The following OXR1 variants were observed in gnomAD, a reference collection of about 807,000 sequenced individuals.
OXR1 encodes oxidation resistance 1.
In OXR1, 41 loss-of-function variants were observed where a neutral mutation model predicts 104.6. The ratio of observed to expected loss-of-function variants is 0.39; its 90% CI spans 0.31 to 0.51. The LOEUF (loss-of-function observed/expected upper bound fraction) is 0.51. Ranked by LOEUF, OXR1 falls within the 20% of genes least tolerant of loss-of-function variation. The pLI is 0.77. For synonymous variants in OXR1, 348 were observed against 348.4 expected, an observed-to-expected ratio of 1.00 and a Z score of 0.01; for missense variants, 955 against 1,031.9, an observed-to-expected ratio of 0.93 and a Z score of 1.02.
intron 3 of OXR1, among the ~76,000 whole-genome samples, chr8:106,641,673 C>T (rs1053028214): frequency 4.6e-5 from 7 of 151,938 alleles, no homozygotes; most frequent in Admixed American, 6.6e-5. Context: ...CAAAATGGGG[C>T]GATACCAGTG....
chr8:106,673,476 GA>G (rs1385566038), intron 3 of OXR1, among the ~76,000 whole-genome samples: 8 of 152,192 alleles, frequency 5.3e-5, no homozygotes, highest in African/African-American at 1.9e-4. Flanking sequence ...GTTTAAATGG[GA>G]AGCAGAGCTA....
chr8:106,524,653 G>C (rs1004086963), intron 3 of OXR1, among the ~76,000 whole-genome samples: 3 of 152,176 alleles, frequency 2.0e-5, no homozygotes, highest in African/African-American at 7.2e-5. Context: ...AACAGAGAGA[G>C]CCCTGCTTTC....
At chr8:106,739,627 A>G (rs1252578834) in intron 13 of OXR1, 44 bp downstream of exon 13, 1 of 1,593,724 alleles carries the variant, frequency 6.3e-7, no homozygotes, top group Non-Finnish European at 8.6e-7. Context: ...GTGAGTGTGT[A>G]CCCATGAGAG....
intron 2 of OXR1, among the ~76,000 whole-genome samples, chr8:106,397,581 G>A (rs1244494222): frequency 1.3e-5 from 2 of 151,648 alleles, no homozygotes; most frequent in African/African-American, 2.4e-5. Flanking sequence ...GAATTTTGAT[G>A]AAATAAATAA....
intron 7 of OXR1, chr8:106,697,555 T>C (rs1830167442): frequency 1.2e-6 from 2 of 1,611,622 alleles, no homozygotes; most frequent in Non-Finnish European, 1.7e-6. Flanking sequence ...CTTGGATTTC[T>C]TAGGGAACCA....
At chr8:106,367,338 C>T (rs890351331) in intron 2 of OXR1, among the ~76,000 whole-genome samples, 27 of 152,190 alleles carry the variant, frequency 1.8e-4, no homozygotes, top group African/African-American at 6.0e-4. Flanking sequence ...GCTGGGATTA[C>T]AGACATGAGC....
intron 2 of OXR1, chr8:106,448,123 A>G: frequency 6.9e-7 from 1 of 1,442,768 alleles, no homozygotes; most frequent in Non-Finnish European, 9.4e-7. Flanking sequence ...GTTCCATTAT[A>G]AAATAGCTCT....
chr8:106,418,113 A>C (rs1818755121), intron 2 of OXR1, among the ~76,000 whole-genome samples: 1 of 152,290 alleles, frequency 6.6e-6, no homozygotes, highest in East Asian at 1.9e-4. Flanking sequence ...TCAAAAATGT[A>C]TAGAATTTTA....
Position 106,513,163 on chromosome 8 carries a change from G to C in OXR1, c.24-5780G>C, listed in dbSNP as rs545192795. Among the ~76,000 whole-genome samples the C allele has an allele frequency of 2.3e-3, 350 of 152,180 alleles. 4 individuals carry two copies. Among genetic ancestry groups the C allele is most frequent in the Middle Eastern group, 3.4e-3 (1 of 294 alleles). ...ATTCTGTTAAAATTAGTGAGTTTTG[G>C]ATATTTTCTGCCAGTTCTTTTTTTC... On this transcript the variant is annotated intron_variant, in intron 2 of 16. Transcript: ENST00000517566.
chr8:106,634,017 G>A (rs1341443648), intron 3 of OXR1, among the ~76,000 whole-genome samples: 2 of 151,986 alleles, frequency 1.3e-5, no homozygotes, highest in South Asian at 2.1e-4. Flanking sequence ...AATCTCCCTT[G>A]GTTTTCTAAT....
chr8:106,318,968 T>C (rs142622447), intron 1 of OXR1, among the ~76,000 whole-genome samples: 10 of 152,334 alleles, frequency 6.6e-5, no homozygotes, highest in Non-Finnish European at 1.3e-4. Flanking sequence ...ATCAATCTTA[T>C]TGCTTAAGTG....
chr8:106,375,819 C>T (rs1326309637), intron 2 of OXR1, among the ~76,000 whole-genome samples: 1 of 152,180 alleles, frequency 6.6e-6, no homozygotes, highest in Admixed American at 6.5e-5. Context: ...TCATTTGGTT[C>T]CTATAAGGCT....
intron 1 of OXR1, among the ~76,000 whole-genome samples, chr8:106,322,118 A>G (rs1814249332): frequency 6.6e-6 from 1 of 152,186 alleles, no homozygotes; most frequent in South Asian, 2.1e-4. Flanking sequence ...GAGTTTCAAT[A>G]TAACACTTTA....
chr8:106,380,285 T>G (rs556076674), intron 2 of OXR1, among the ~76,000 whole-genome samples: 1 of 152,260 alleles, frequency 6.6e-6, no homozygotes, highest in South Asian at 2.1e-4. Flanking sequence ...ATACGTGTCA[T>G]AAAATATATT....
At chr8:106,636,580 G>A (rs1823159143) in intron 3 of OXR1, among the ~76,000 whole-genome samples, 1 of 152,174 alleles carries the variant, frequency 6.6e-6, no homozygotes, top group Non-Finnish European at 1.5e-5. Flanking sequence ...TATAGAGTGA[G>A]TCAGTGGGAC....
chr8:106,669,995 G>A (rs1826769710), intron 3 of OXR1, among the ~76,000 whole-genome samples: 1 of 152,150 alleles, frequency 6.6e-6, no homozygotes, highest in Non-Finnish European at 1.5e-5. Context: ...GATAGGATCT[G>A]AATGAGGACA....
intron 6 of OXR1, 80 bp downstream of exon 6, chr8:106,684,439 A>G (rs2131245411): frequency 4.1e-6 from 3 of 724,658 alleles, no homozygotes; most frequent in Non-Finnish European, 5.0e-6. Flanking sequence ...TTTACATTCC[A>G]TTTTGACTAT....
intron 1 of OXR1, among the ~76,000 whole-genome samples, chr8:106,294,738 C>T (rs1200319407): frequency 6.6e-6 from 1 of 152,188 alleles, no homozygotes; most frequent in Non-Finnish European, 1.5e-5. Flanking sequence ...CAGGCCCCAC[C>T]TCCAGCACTG....
chr8:106,660,830 C>T lies in OXR1; in HGVS notation c.221-18380C>T, dbSNP rs192206481. Among the ~76,000 whole-genome samples the T allele has an allele frequency of 2.1e-4, 32 of 152,014 alleles. No homozygotes were observed. The East Asian group carries it at 5.8e-3, about 28-fold the overall frequency. ...GAGTTCGAGACCAGCCTAGCCAACA[C>T]GGTGAAACCCTGTCTCTACTAAAAA... is the stretch of plus-strand genomic sequence containing the variant. On this transcript the variant is annotated intron_variant, in intron 3 of 16. Transcript: ENST00000517566.
Sources: allele counts gnomAD v4.1 joint callset (sites outside exome capture counted in the v4.1 genomes callset), GRCh38; gene constraint gnomAD v4.1.1; transcripts MANE v1.5; gene names NCBI Gene and HGNC (gene_info 2026-07-23, HGNC 2026-07-21).